The following WNT8B variants were observed in gnomAD, a reference collection of about 807,000 sequenced individuals.
WNT8B encodes Wnt family member 8B, also known as protein Wnt-8b.
In WNT8B, 24 loss-of-function variants were observed where a neutral mutation model predicts 36.6. The observed-to-expected ratio is 0.66, with a 90% CI of 0.48 to 0.92. The LOEUF (loss-of-function observed/expected upper bound fraction) is 0.92, where lower values mean the gene tolerates loss of function less well. Ranked by LOEUF, WNT8B falls within the 40% of genes least tolerant of loss-of-function variation. WNT8B has a pLI of 0.00. For synonymous variants in WNT8B, 199 were observed against 189.8 expected (o/e 1.05, Z -0.40); for missense variants, 402 against 470.8 (o/e 0.85, Z 1.35).
intron 1 of WNT8B, among the ~76,000 whole-genome samples, chr10:100,477,175 C>T (rs1033416648): frequency 6.6e-6 from 1 of 152,164 alleles, no homozygotes; most frequent in Non-Finnish European, 1.5e-5. Context: ...ACTTTAATCA[C>T]TCCGTAACTT....
At chr10:100,477,972 G>A (rs1427470475) in intron 1 of WNT8B, among the ~76,000 whole-genome samples, 1 of 147,958 alleles carries the variant, frequency 6.8e-6, no homozygotes, top group Admixed American at 6.7e-5. Context: ...GTAGAGACGG[G>A]GTTTTGCCAT....
intron 4 of WNT8B, among the ~76,000 whole-genome samples, chr10:100,481,339 A>G (rs1372943689): frequency 1.3e-5 from 2 of 152,130 alleles, no homozygotes; most frequent in Non-Finnish European, 2.9e-5. Context: ...CTTAATTTAA[A>G]TATAAAAATA....
At chr10:100,473,701 G>A (rs544582598) in intron 1 of WNT8B, among the ~76,000 whole-genome samples, 68 of 152,250 alleles carry the variant, frequency 4.5e-4, no homozygotes, top group African/African-American at 1.5e-3. Context: ...TGAGGCAGGC[G>A]GATTGCTTGA....
At chr10:100,468,885 G>A (rs1850940705) in intron 1 of WNT8B, among the ~76,000 whole-genome samples, 1 of 152,172 alleles carries the variant, frequency 6.6e-6, no homozygotes, top group Non-Finnish European at 1.5e-5. Flanking sequence ...GATAATGTGG[G>A]ATTTTAATAT....
intron 1 of WNT8B, among the ~76,000 whole-genome samples, chr10:100,469,288 C>CATGCAGA (rs1850947649): frequency 6.6e-6 from 1 of 152,192 alleles, no homozygotes; most frequent in Non-Finnish European, 1.5e-5. Flanking sequence ...GTCATAACTC[C>CATGCAGA]TCACTCTCTG....
intron 1 of WNT8B, among the ~76,000 whole-genome samples, chr10:100,472,564 T>G (rs747086923): frequency 1.3e-5 from 2 of 152,064 alleles, no homozygotes; most frequent in Non-Finnish European, 2.9e-5. Flanking sequence ...CTTAGAAGAG[T>G]TCCTCACATA....
intron 1 of WNT8B, among the ~76,000 whole-genome samples, chr10:100,463,953 T>A (rs938295883): frequency 9.8e-5 from 15 of 152,302 alleles, no homozygotes; most frequent in Admixed American, 8.5e-4. Context: ...ATAAACTATC[T>A]ATACATGCAA....
intron 1 of WNT8B, 21 bp downstream of exon 1, chr10:100,463,257 C>A: frequency 6.2e-7 from 1 of 1,609,146 alleles, no homozygotes; most frequent in Non-Finnish European, 8.5e-7. Flanking sequence ...TGGACTCTTA[C>A]CTGGAGCTGG....
At chr10:100,481,825 C>T in intron 4 of WNT8B, 87 bp from the exon 5 acceptor site, 1 of 1,550,176 alleles carries the variant, frequency 6.5e-7, no homozygotes, top group South Asian at 1.2e-5. Flanking sequence ...CCTGGACCCC[C>T]CCACCCCCAA....
chr10:100,479,042 T>C lies in WNT8B; in HGVS notation c.69-10T>C, dbSNP rs201982300. ...TTATATTCTGTTTTTGTTTTTTTTT[T>C]CCCTTATAGGTCGGTGAACAATTTC... On this transcript the variant is annotated splice_polypyrimidine_tract_variant and intron_variant, in intron 1 of 5. Transcript: ENST00000343737. 84 of 1,589,090 alleles carry C rather than the reference T, an allele frequency of 5.3e-5. No individual in the cohort carries two copies. The East Asian group carries it at 9.4e-4, about 18-fold the overall frequency.
At chr10:100,477,298 T>A (rs1454551463) in intron 1 of WNT8B, among the ~76,000 whole-genome samples, 1 of 152,006 alleles carries the variant, frequency 6.6e-6, no homozygotes, top group African/African-American at 2.4e-5. Context: ...TTCATTTATT[T>A]ATTTATTTTA....
At chr10:100,463,822 A>G (rs1200630041) in intron 1 of WNT8B, among the ~76,000 whole-genome samples, 1 of 152,174 alleles carries the variant, frequency 6.6e-6, no homozygotes, top group Non-Finnish European at 1.5e-5. Context: ...AATTTGTTCA[A>G]TTTACAAATA....
chr10:100,482,115 T>A lies in WNT8B; in HGVS notation c.510+61T>A, dbSNP rs1402726296. The A allele has an allele frequency of 1.9e-6, 3 of 1,606,790 alleles. No individual in the cohort carries two copies. The highest frequency in any genetic ancestry group is 2.7e-5 in the African/African-American group (2 of 74,778). On this transcript the variant is annotated intron_variant, in intron 5 of 5. Coordinates refer to ENST00000343737, the MANE Select transcript of WNT8B (RefSeq NM_003393.4). This position sits in a 1 kb window ranked among gnomAD's most constrained non-coding sequence, Gnocchi z 6.6. ...GGCTATATCCACTACCAGCTCCAGG[T>A]GCGGACAACTCTTCAGTTCATTTAA...
chr10:100,480,921 T>G, intron 3 of WNT8B, 77 bp from the exon 4 acceptor site: 1 of 1,512,504 alleles, frequency 6.6e-7, no homozygotes, highest in South Asian at 1.2e-5. Flanking sequence ...TGATGGTTAT[T>G]AAAGAAAGGT....
Position 100,482,558 on chromosome 10 carries a change from C to T in WNT8B, c.798C>T (p.Gly266=). The change falls in exon 6 of 6, where the codon GGC becomes GGT. Residue 266 remains glycine, a synonymous_variant. Transcript: ENST00000343737. This position sits in a 1 kb window ranked among gnomAD's most constrained non-coding sequence, Gnocchi z 6.6. The part of the protein sequence containing the change: ...CLENKTLGLL[G]TEGRECLRRG... ...AGAACAAAACGCTAGGGCTGCTGGGCACCGAAGGCCGAGAGTGCCTAAGGC... is the reference window on the plus strand; with the variant it reads ...AGAACAAAACGCTAGGGCTGCTGGGTACCGAAGGCCGAGAGTGCCTAAGGC... The T allele has an allele frequency of 6.3e-7, 1 of 1,598,570 alleles. No homozygotes were observed. Among genetic ancestry groups the T allele is most frequent in the Non-Finnish European group, 8.5e-7 (1 of 1,178,638 alleles).
intron 1 of WNT8B, among the ~76,000 whole-genome samples, chr10:100,470,856 C>T (rs998240459): frequency 6.6e-6 from 1 of 152,212 alleles, no homozygotes; most frequent in Non-Finnish European, 1.5e-5. Flanking sequence ...GATTCTCCTG[C>T]CTCAGCCTCC....
At chr10:100,478,259 C>G (rs1214954642) in intron 1 of WNT8B, among the ~76,000 whole-genome samples, 2 of 152,170 alleles carry the variant, frequency 1.3e-5, no homozygotes, top group African/African-American at 2.4e-5. Flanking sequence ...GATTCAAATC[C>G]TGCTTCACTC....
intron 1 of WNT8B, among the ~76,000 whole-genome samples, chr10:100,477,774 G>GTTTTTTTTTTGT (rs769982407): frequency 2.1e-5 from 2 of 97,140 alleles, no homozygotes; most frequent in African/African-American, 7.0e-5. Flanking sequence ...TTCATTTTTA[G>GTTTTTTTTTTGT]TTTTTTTTTG....
Position 100,482,967 on chromosome 10 carries a change from T to G in WNT8B, c.*151T>G, listed in dbSNP as rs1365489036. The G allele has an allele frequency of 1.1e-6, 1 of 905,314 alleles. No individual in the cohort carries two copies. Among genetic ancestry groups the G allele is most frequent in the Non-Finnish European group, 1.6e-6 (1 of 631,792 alleles). The allele number at this position is 905,314 out of a possible 1,614,324, so 56.1% of individuals were successfully genotyped here. On this transcript the variant is annotated 3_prime_UTR_variant, in exon 6 of 6. Transcript: ENST00000343737. This position sits in a 1 kb window ranked among gnomAD's most constrained non-coding sequence, Gnocchi z 6.6. ...GCAATTTCTCCAAAGCTTGCCACTTTCCAGCCTGTTTCCCCAATTCCTCTG... is the reference window on the plus strand; with the variant it reads ...GCAATTTCTCCAAAGCTTGCCACTTGCCAGCCTGTTTCCCCAATTCCTCTG...
Sources: gnomAD v4.1 joint callset for allele counts (sites outside exome capture counted in the v4.1 genomes callset) on GRCh38, gnomAD v4.1.1 for gene constraint, Gnocchi (gnomAD v3.1) non-coding constraint, MANE v1.5 for transcripts, NCBI Gene and HGNC (gene_info 2026-07-23, HGNC 2026-07-21) for gene names.